The following FSTL5 variants were observed in gnomAD, a reference collection of about 807,000 sequenced individuals.
The protein encoded by FSTL5 is follistatin like 5.
Under a neutral mutation model 89.1 loss-of-function variants are expected in FSTL5, and 62 were observed. That is an observed-to-expected ratio of 0.70 (90% CI 0.57 to 0.86). FSTL5 has a LOEUF of 0.86. Among genes scored for constraint, FSTL5 ranks in the 40% least tolerant of loss-of-function variants. The pLI, the probability that FSTL5 is intolerant of heterozygous loss-of-function variation, is 0.00. For synonymous variants in FSTL5, 383 were observed against 346.2 expected (o/e 1.11, Z -1.18); for missense variants, 1,057 against 1,001.6 (o/e 1.06, Z -0.75).
In FSTL5 at chr4:161,759,407, T is replaced by A; in HGVS notation, c.727+4A>T. On this transcript the variant is annotated splice_donor_region_variant and intron_variant, in intron 6 of 15. Transcript: ENST00000306100. ...GGAAATTGGAGAATGAATCTTGTACTCACGGAATGCTCTATAAAATTCTTC... is the reference window on the plus strand; with the variant it reads ...GGAAATTGGAGAATGAATCTTGTACACACGGAATGCTCTATAAAATTCTTC... 1 of 1,581,716 alleles carries A rather than the reference T, an allele frequency of 6.3e-7. No homozygotes were observed. The highest frequency in any genetic ancestry group is 8.6e-7 in the Non-Finnish European group (1 of 1,167,526).
chr4:161,589,524 G>T (rs1325324300), intron 7 of FSTL5, among the ~76,000 whole-genome samples: 3 of 151,732 alleles, frequency 2.0e-5, no homozygotes, highest in Non-Finnish European at 4.4e-5. Flanking sequence ...CACTATGTTG[G>T]CCATGCTGAT....
intron 3 of FSTL5, among the ~76,000 whole-genome samples, chr4:161,941,860 C>G (rs1232987339): frequency 6.6e-6 from 1 of 151,918 alleles, no homozygotes; most frequent in Admixed American, 6.6e-5. Context: ...GCACAGAAAA[C>G]ATGCCCCAGG....
intron 4 of FSTL5, among the ~76,000 whole-genome samples, chr4:161,791,452 C>T (rs1579095705): frequency 1.3e-5 from 2 of 152,152 alleles, no homozygotes; most frequent in African/African-American, 4.8e-5. Context: ...TGTAAAGGAA[C>T]AGCGTAAATA....
chr4:161,455,088 A>C lies in FSTL5; in HGVS notation c.1757T>G (p.Ile586Ser). 1 of 1,612,980 alleles carries C rather than the reference A, an allele frequency of 6.2e-7. No homozygotes were observed. The highest frequency in any genetic ancestry group is 8.5e-7 in the Non-Finnish European group (1 of 1,179,574). Reference protein sequence around the residue: ...LASGNVPHHTIHTQPVGKQFD... With the variant: ...LASGNVPHHTSHTQPVGKQFD... ...TTGCTTTCCCACTGGTTGGGTGTGGATCGTGTGGTGAGGCACATTCCCACT... is the reference window on the plus strand; with the variant it reads ...TTGCTTTCCCACTGGTTGGGTGTGGCTCGTGTGGTGAGGCACATTCCCACT... Residue 586 changes from isoleucine to serine, a missense_variant, in exon 15 of 16, where the codon ATC becomes AGC. By Grantham distance (142) the Ile-to-Ser change is moderately radical. Around this residue, in one of 3 missense-constraint regions of FSTL5, gnomAD observed 980 missense variants for 903.2 expected, o/e 1.08. Transcript: ENST00000306100.
intron 8 of FSTL5, among the ~76,000 whole-genome samples, chr4:161,551,487 C>T (rs540569092): frequency 3.3e-5 from 5 of 151,746 alleles, no homozygotes; most frequent in African/African-American, 1.2e-4. Flanking sequence ...GATATTAGCC[C>T]TTTGTCAGAT....
chr4:161,781,484 CTA>C (rs1741664716), intron 4 of FSTL5, among the ~76,000 whole-genome samples: 1 of 151,946 alleles, frequency 6.6e-6, no homozygotes, highest in South Asian at 2.1e-4. Flanking sequence ...TAGTCTAGTT[CTA>C]GAGATTCACT....
intron 12 of FSTL5, among the ~76,000 whole-genome samples, chr4:161,486,813 A>T (rs550385886): frequency 5.3e-5 from 8 of 152,304 alleles, no homozygotes; most frequent in Admixed American, 2.0e-4. Flanking sequence ...AAAAATAATT[A>T]ATACATTTTG....
At chr4:161,721,230 A>T (rs940810131) in intron 6 of FSTL5, among the ~76,000 whole-genome samples, 3 of 134,164 alleles carry the variant, frequency 2.2e-5, no homozygotes, top group Non-Finnish European at 4.7e-5. Flanking sequence ...GTGAGCCGAG[A>T]TTGCGCCACT....
intron 4 of FSTL5, among the ~76,000 whole-genome samples, chr4:161,918,046 G>A (rs1025136331): frequency 6.6e-6 from 1 of 151,464 alleles, no homozygotes; most frequent in African/African-American, 2.4e-5. Flanking sequence ...CTAATATTTC[G>A]ATTTGCTTCT....
chr4:161,774,723 G>C (rs1741343014), intron 5 of FSTL5, among the ~76,000 whole-genome samples: 1 of 151,768 alleles, frequency 6.6e-6, no homozygotes, highest in Non-Finnish European at 1.5e-5. Context: ...GGCACACATA[G>C]ATAAAAGTGC....
chr4:161,805,028 A>T (rs935918518), intron 4 of FSTL5, among the ~76,000 whole-genome samples: 6 of 152,100 alleles, frequency 3.9e-5, no homozygotes, highest in Admixed American at 3.3e-4. Flanking sequence ...GGAAAAATAA[A>T]GTCCTATGTC....
At chr4:161,494,407 G>A (rs1729994013) in intron 12 of FSTL5, among the ~76,000 whole-genome samples, 2 of 152,172 alleles carry the variant, frequency 1.3e-5, no homozygotes, top group Non-Finnish European at 2.9e-5. Context: ...CAAGTTTGCA[G>A]AAGTATAAGT....
chr4:161,407,823 C>A (rs960126031), intron 15 of FSTL5, among the ~76,000 whole-genome samples: 20 of 152,204 alleles, frequency 1.3e-4, no homozygotes, highest in African/African-American at 3.9e-4. Flanking sequence ...CTCCACTGCC[C>A]AGCCTGAGTG....
At chr4:162,108,976 C>T (rs995250933) in intron 2 of FSTL5, among the ~76,000 whole-genome samples, 4 of 151,892 alleles carry the variant, frequency 2.6e-5, no homozygotes, top group African/African-American at 4.8e-5. Context: ...CTAAAAAATA[C>T]GTAAAGTATA....
chr4:162,020,921 T>G (rs1276485583), intron 3 of FSTL5, among the ~76,000 whole-genome samples: 1 of 152,118 alleles, frequency 6.6e-6, no homozygotes, highest in Non-Finnish European at 1.5e-5. Flanking sequence ...TCCTTTCATG[T>G]TTTAATTTTA....
rs572688917 is a variant in FSTL5, at chr4:162,073,295, C to T, written c.126+37976G>A. 3.6e-4 allele frequency among the ~76,000 whole-genome samples: 54 copies of T among 151,564 alleles called. No individual in the cohort carries two copies. In the Middle Eastern group the frequency reaches 0.01, roughly 29 times the overall value. On this transcript the variant is annotated intron_variant, in intron 2 of 15. Transcript: ENST00000306100. ...TTATGGGTATGAACTCAATATAATA[C>T]TATTTTGATTTAAAAAATAACTGCT...
At chr4:161,409,592 G>A (rs1051417324) in intron 15 of FSTL5, among the ~76,000 whole-genome samples, 5 of 152,084 alleles carry the variant, frequency 3.3e-5, no homozygotes, top group African/African-American at 1.2e-4. Flanking sequence ...ACGTTGGCCA[G>A]GCAGGTCTCG....
intron 3 of FSTL5, among the ~76,000 whole-genome samples, chr4:161,935,504 T>C (rs1734407396): frequency 6.6e-6 from 1 of 152,134 alleles, no homozygotes; most frequent in Non-Finnish European, 1.5e-5. Context: ...ACTTCCATCA[T>C]AAAAAATTTG....
chr4:161,759,850 C>T (rs1740721543), intron 5 of FSTL5, among the ~76,000 whole-genome samples: 1 of 151,882 alleles, frequency 6.6e-6, no homozygotes, highest in South Asian at 2.1e-4. Flanking sequence ...TCCATTTATA[C>T]TGACTCAAGG....
Sources: allele counts gnomAD v4.1 joint callset (sites outside exome capture counted in the v4.1 genomes callset), GRCh38; gene constraint gnomAD v4.1.1; regional missense constraint gnomAD v4.1.1; transcripts MANE v1.5; gene names NCBI Gene and HGNC (gene_info 2026-07-23, HGNC 2026-07-21).